CCDC171: variants seen among roughly 807,000 people sequenced by gnomAD.
The protein encoded by CCDC171 is coiled-coil domain-containing protein 171.
In CCDC171, 177 loss-of-function variants were observed where a neutral mutation model predicts 168.2. The ratio of observed to expected loss-of-function variants is 1.05; its 90% CI spans 0.93 to 1.19. CCDC171 has a LOEUF of 1.19. Among genes scored for constraint, CCDC171 ranks in the 50% most tolerant of loss-of-function variants. CCDC171 has a pLI of 0.00. For missense variants in CCDC171, 1,991 were observed against 1,539.0 expected, an observed-to-expected ratio of 1.29 and a Z score of -4.91; for synonymous variants, 687 against 540.8, an observed-to-expected ratio of 1.27 and a Z score of -3.75.
downstream of CCDC171, among the ~76,000 whole-genome samples, chr9:16,063,997 C>G (rs894165803): frequency 6.6e-6 from 1 of 152,186 alleles, no homozygotes; most frequent in African/African-American, 2.4e-5. Context: ...TACAAGTGGT[C>G]CTCCCGACTA....
chr9:15,798,278 G>T (rs1310379586), intron 21 of CCDC171, among the ~76,000 whole-genome samples: 1 of 151,948 alleles, frequency 6.6e-6, no homozygotes, highest in Non-Finnish European at 1.5e-5. Flanking sequence ...TCCTCTTTCA[G>T]TCCTCATACT....
intron 25 of CCDC171, among the ~76,000 whole-genome samples, chr9:15,934,104 C>G (rs1927697): frequency 1.3e-5 from 2 of 151,664 alleles, no homozygotes; most frequent in East Asian, 3.9e-4. Context: ...TAAAAAATCA[C>G]AGAGGACTTG....
chr9:15,744,543 C>T lies in CCDC171; in HGVS notation c.2320C>T (p.Gln774Ter), dbSNP rs200484184. The change falls in exon 17 of 26, where the codon CAG (glutamine) becomes TAG (stop). Residue 774 changes from glutamine (Q) to a stop codon, truncating the protein, a stop_gained. Transcript: ENST00000380701. LOFTEE classifies it high-confidence loss of function. ...CAAACTGGAAATTAGAACTCTAGCC[C>T]AGGCTTTGTCAACTGTAGAGGAAAA... is the stretch of plus-strand genomic sequence containing the variant. ...LFKLEIRTLA[Q>*]ALSTVEEKKQ... 1 of 1,614,178 alleles carries T rather than the reference C, an allele frequency of 6.2e-7. No individual in the cohort carries two copies. The highest frequency in any genetic ancestry group is 1.3e-5 in the African/African-American group (1 of 75,044).
At chr9:16,064,636 T>A (rs992055524), downstream of CCDC171, among the ~76,000 whole-genome samples, 1 of 152,176 alleles carries the variant, frequency 6.6e-6, no homozygotes, top group African/African-American at 2.4e-5. Flanking sequence ...TTCACTGTCA[T>A]GAAGAGGCAT....
intron 24 of CCDC171, among the ~76,000 whole-genome samples, chr9:15,902,518 G>T (rs2794631): frequency 6.6e-6 from 1 of 152,084 alleles, no homozygotes; most frequent in Non-Finnish European, 1.5e-5. Context: ...CTGTATTAGG[G>T]CATTCTTGCA....
intron 14 of CCDC171, 58 bp downstream of exon 14, chr9:15,725,034 A>G: frequency 3.4e-6 from 4 of 1,193,546 alleles, no homozygotes; most frequent in African/African-American, 1.5e-5. Context: ...TCAGTGTTAT[A>G]CATCAAGTGA....
intron 6 of CCDC171, among the ~76,000 whole-genome samples, chr9:16,024,312 C>G (rs1159054601): frequency 1.3e-5 from 2 of 152,112 alleles, no homozygotes; most frequent in Non-Finnish European, 2.9e-5. Context: ...TAATCCTATC[C>G]TACCTCAAAC....
chr9:15,557,761 G>C (rs987980953), intron 1 of CCDC171, among the ~76,000 whole-genome samples: 11 of 152,028 alleles, frequency 7.2e-5, no homozygotes, highest in Admixed American at 1.3e-4. Context: ...CTGGCCAGAA[G>C]TTCCAACACT....
chr9:15,747,813 A>G (rs899883002), intron 18 of CCDC171, among the ~76,000 whole-genome samples: 1 of 152,232 alleles, frequency 6.6e-6, no homozygotes, highest in Non-Finnish European at 1.5e-5. Flanking sequence ...GAAAGGCTGC[A>G]AATTCCAAAA....
At chr9:15,986,038 C>T (rs544891109) in intron 3 of CCDC171, among the ~76,000 whole-genome samples, 6 of 152,236 alleles carry the variant, frequency 3.9e-5, no homozygotes, top group Admixed American at 2.0e-4. Flanking sequence ...GGCATAACTT[C>T]GTAAAAGAAT....
rs2048165419 is a variant in CCDC171, at chr9:15,659,514, GA to G, written c.915+2297del. ...CTAGGAAGGTAGAAAGTATCTTTAT[GA>G]ACTTAGATTCTCAGTATAAACTGTT... On this transcript the variant is annotated intron_variant, in intron 8 of 25. Coordinates refer to ENST00000380701, the MANE Select transcript of CCDC171 (RefSeq NM_173550.4). 2.6e-5 allele frequency among the ~76,000 whole-genome samples: 4 copies of G among 152,206 alleles called. No homozygotes were observed. In the South Asian group the frequency reaches 8.3e-4, roughly 32 times the overall value.
At chr9:15,657,361 G>A (rs931042713) in intron 8 of CCDC171, 142 bp downstream of exon 8, 1 of 544,378 alleles carries the variant, frequency 1.8e-6, no homozygotes, top group Non-Finnish European at 3.4e-6. Flanking sequence ...TTGTATATAA[G>A]GTTAGGATAC....
At chr9:15,622,979 A>T (rs1006801161) in intron 6 of CCDC171, among the ~76,000 whole-genome samples, 55 of 152,340 alleles carry the variant, frequency 3.6e-4, no homozygotes, top group African/African-American at 1.3e-3. Context: ...GCATTATATA[A>T]ATACCTTCAG....
At chr9:15,620,906 G>A (rs940275951) in intron 6 of CCDC171, among the ~76,000 whole-genome samples, 1 of 152,044 alleles carries the variant, frequency 6.6e-6, no homozygotes, top group Non-Finnish European at 1.5e-5. Context: ...TAAAGATGAT[G>A]ACTTCCTGAA....
intron 16 of CCDC171, among the ~76,000 whole-genome samples, chr9:15,733,202 C>T (rs974910943): frequency 1.3e-5 from 2 of 152,040 alleles, no homozygotes; most frequent in Non-Finnish European, 2.9e-5. Context: ...TATTTACATA[C>T]CGGAGGTTCA....
At chr9:15,953,774 G>A (rs990294207) in intron 25 of CCDC171, among the ~76,000 whole-genome samples, 8 of 152,032 alleles carry the variant, frequency 5.3e-5, no homozygotes, top group African/African-American at 1.9e-4. Context: ...TAAATGTTTG[G>A]TAGAATTTAT....
chr9:15,856,223 G>A (rs2061344005), intron 23 of CCDC171, among the ~76,000 whole-genome samples: 1 of 151,744 alleles, frequency 6.6e-6, no homozygotes, highest in East Asian at 1.9e-4. Flanking sequence ...TGGATTTTTC[G>A]TATGCAATAC....
At chr9:15,652,511 A>G (rs1587749057) in intron 7 of CCDC171, among the ~76,000 whole-genome samples, 2 of 150,796 alleles carry the variant, frequency 1.3e-5, no homozygotes, top group South Asian at 4.2e-4. Flanking sequence ...GCTTACTGTA[A>G]CCTCTGCCTC....
At chr9:15,629,604 C>A (rs1356423059) in intron 7 of CCDC171, among the ~76,000 whole-genome samples, 1 of 152,178 alleles carries the variant, frequency 6.6e-6, no homozygotes, top group Non-Finnish European at 1.5e-5. Context: ...AAACACTCTG[C>A]AGGATATTAT....
Sources: gnomAD v4.1 joint callset for allele counts (sites outside exome capture counted in the v4.1 genomes callset) on GRCh38, gnomAD v4.1.1 for gene constraint, MANE v1.5 for transcripts, NCBI Gene and HGNC (gene_info 2026-07-23, HGNC 2026-07-21) for gene names.